Variants in EPHA6 observed in about 807,000 individuals in gnomAD.
The protein encoded by EPHA6 is ephrin type-A receptor 6.
A neutral mutation model predicts 112.0 loss-of-function variants in EPHA6; 50 were observed. That is an observed-to-expected ratio of 0.45 (90% CI 0.36 to 0.56). The LOEUF is 0.56. EPHA6 is among the 20% of genes least tolerant of loss of function. The probability of loss-of-function intolerance (pLI) is 0.00; values close to 1 mark genes in which losing one functional copy is unlikely to be tolerated. For synonymous variants in EPHA6, 529 were observed against 490.7 expected (o/e 1.08, Z -1.03); for missense variants, 1,280 against 1,417.4 (o/e 0.90, Z 1.56).
chr3:97,002,872 A>G (rs2019818), intron 3 of EPHA6, among the ~76,000 whole-genome samples: 10,187 of 152,232 alleles, frequency 0.067, 369 homozygotes, highest in Middle Eastern at 0.12. Context: ...TTAAAGGACT[A>G]TATTTAAAAT....
chr3:97,718,148 T>C (rs2034335014), intron 14 of EPHA6, among the ~76,000 whole-genome samples: 1 of 152,236 alleles, frequency 6.6e-6, no homozygotes, highest in Non-Finnish European at 1.5e-5. Context: ...GTGGCTTCCA[T>C]ATTGGAAACA....
intron 3 of EPHA6, among the ~76,000 whole-genome samples, chr3:97,136,688 T>C (rs977033203): frequency 6.6e-6 from 1 of 152,120 alleles, no homozygotes; most frequent in African/African-American, 2.4e-5. Context: ...ATGATTACTG[T>C]CGACAGAAAA....
intron 10 of EPHA6, among the ~76,000 whole-genome samples, chr3:97,502,867 A>G (rs2092159105): frequency 6.7e-6 from 1 of 149,456 alleles, no homozygotes; most frequent in Non-Finnish European, 1.5e-5. Flanking sequence ...AAAAGTCAAC[A>G]TAGTGGATTA....
chr3:97,681,020 T>G (rs1450447140), intron 14 of EPHA6, among the ~76,000 whole-genome samples: 1 of 151,998 alleles, frequency 6.6e-6, no homozygotes, highest in South Asian at 2.1e-4. Context: ...ACAAAAATGA[T>G]AAGACATTAG....
chr3:97,709,155 C>CAA (rs34571358), intron 14 of EPHA6, among the ~76,000 whole-genome samples: 2 of 117,320 alleles, frequency 1.7e-5, no homozygotes. Context: ...CCATGCAAGT[C>CAA]AAAAAAAAAA....
At chr3:97,603,484 G>T (rs752614873) in intron 12 of EPHA6, among the ~76,000 whole-genome samples, 23 of 151,760 alleles carry the variant, frequency 1.5e-4, no homozygotes, top group Non-Finnish European at 3.2e-4. Context: ...AGGGTATTTG[G>T]CTTACCACTA....
intron 5 of EPHA6, among the ~76,000 whole-genome samples, chr3:97,314,192 T>A (rs1047697360): frequency 2.0e-5 from 3 of 151,658 alleles, no homozygotes; most frequent in Non-Finnish European, 4.4e-5. Flanking sequence ...ACCGTAAACA[T>A]GGTGTTTATT....
intron 3 of EPHA6, among the ~76,000 whole-genome samples, chr3:97,196,175 T>G (rs940931587): frequency 3.3e-5 from 5 of 151,686 alleles, no homozygotes; most frequent in African/African-American, 4.8e-5. Context: ...TGTTTTTTTT[T>G]TCTTTTGTCT....
Position 97,414,033 on chromosome 3 carries a change from C to T in EPHA6, c.1731+8759C>T, listed in dbSNP as rs529677557. On this transcript the variant is annotated intron_variant, in intron 6 of 17. Coordinates refer to ENST00000389672, the MANE Select transcript of EPHA6 (RefSeq NM_001080448.3). ...CTTAAACAATCATTATTTGGGGCTA[C>T]AAGTACAAACATACTTACCAAATCA... Among the ~76,000 whole-genome samples, 7 of 152,074 alleles carry T rather than the reference C, an allele frequency of 4.6e-5. No homozygotes were observed. In the South Asian group the frequency reaches 1.5e-3, roughly 32 times the overall value.
At chr3:97,039,542 T>C (rs376203026) in intron 3 of EPHA6, among the ~76,000 whole-genome samples, 5 of 152,014 alleles carry the variant, frequency 3.3e-5, no homozygotes, top group African/African-American at 1.2e-4. Context: ...ATGAGAGTCA[T>C]GGAACTTTTT....
chr3:97,424,992 T>G (rs1235942515), intron 6 of EPHA6, among the ~76,000 whole-genome samples: 2 of 152,128 alleles, frequency 1.3e-5, no homozygotes, highest in African/African-American at 2.4e-5. Flanking sequence ...CTCCTTTGAC[T>G]CCATGTCTCA....
intron 3 of EPHA6, among the ~76,000 whole-genome samples, chr3:97,153,696 A>G (rs1404442907): frequency 6.6e-6 from 1 of 152,110 alleles, no homozygotes; most frequent in Non-Finnish European, 1.5e-5. Context: ...ATTTACACCT[A>G]AATGTAATTG....
chr3:97,583,306 G>A (rs1050129677), intron 11 of EPHA6, among the ~76,000 whole-genome samples: 2 of 151,936 alleles, frequency 1.3e-5, no homozygotes, highest in African/African-American at 2.4e-5. Flanking sequence ...TTGGGAAGCC[G>A]AGGCGGGTGT....
chr3:97,524,195 T>G (rs143476558), intron 10 of EPHA6, among the ~76,000 whole-genome samples: 16 of 152,158 alleles, frequency 1.1e-4, no homozygotes, highest in African/African-American at 3.6e-4. Flanking sequence ...CTTTGTGATT[T>G]GTGTATTTTT....
intron 2 of EPHA6, among the ~76,000 whole-genome samples, chr3:96,869,272 G>C (rs1009622209): frequency 6.6e-6 from 1 of 151,614 alleles, no homozygotes; most frequent in African/African-American, 2.4e-5. Flanking sequence ...CAAAGAATGT[G>C]TCTTCAGGTT....
intron 5 of EPHA6, among the ~76,000 whole-genome samples, chr3:97,327,890 T>C (rs557297186): frequency 1.4e-5 from 2 of 147,842 alleles, no homozygotes; most frequent in East Asian, 3.9e-4. Context: ...TGTGTGTATA[T>C]ATATGTATAT....
chr3:96,856,245 T>TA (rs531650866), intron 1 of EPHA6, among the ~76,000 whole-genome samples: 5,962 of 146,490 alleles, frequency 0.041, 364 homozygotes, highest in African/African-American at 0.13. Flanking sequence ...TCTCATAAAT[T>TA]AAAAAAAAAA....
intron 11 of EPHA6, among the ~76,000 whole-genome samples, chr3:97,567,950 T>C (rs2093288710): frequency 6.6e-6 from 1 of 152,182 alleles, no homozygotes; most frequent in African/African-American, 2.4e-5. Flanking sequence ...TTAATAATTT[T>C]GGTGGGCTTT....
chr3:97,273,392 G>A (rs902391126), intron 5 of EPHA6, among the ~76,000 whole-genome samples: 2 of 152,156 alleles, frequency 1.3e-5, no homozygotes, highest in African/African-American at 4.8e-5. Context: ...TGGTGAATAG[G>A]TGTATGACTA....
Sources: gnomAD v4.1 joint callset for allele counts (sites outside exome capture counted in the v4.1 genomes callset) on GRCh38, gnomAD v4.1.1 for gene constraint, MANE v1.5 for transcripts, NCBI Gene and HGNC (gene_info 2026-07-23, HGNC 2026-07-21) for gene names.